Variants in C12orf76 observed in about 807,000 individuals in gnomAD.
C12orf76 encodes uncharacterized protein C12orf76.
In C12orf76, 6 loss-of-function variants were observed where a neutral mutation model predicts 6.8. That is an observed-to-expected ratio of 0.88 (90% CI 0.48 to 1.73). C12orf76 has a LOEUF of 1.73. Among genes scored for constraint, C12orf76 ranks in the 40% most tolerant of loss-of-function variants. C12orf76 has a pLI of 0.01. For synonymous variants in C12orf76, 56 were observed against 43.7 expected, an observed-to-expected ratio of 1.28 and a Z score of -1.11; for missense variants, 99 against 98.2, an observed-to-expected ratio of 1.01 and a Z score of -0.03.
At chr12:110,068,090 G>GCTACT (rs1472976103), upstream of C12orf76, among the ~76,000 whole-genome samples, 1 of 151,902 alleles carries the variant, frequency 6.6e-6, no homozygotes, top group Admixed American at 6.6e-5. Context: ...GGGCATGCCA[G>GCTACT]CTACTCAGGA....
rs1435422512 is a variant in C12orf76, at chr12:110,055,399, G to GT, written n.664+1789dup. Among the ~76,000 whole-genome samples, 4 of 152,004 alleles carry GT rather than the reference G, an allele frequency of 2.6e-5. No individual in the cohort carries two copies. In the East Asian group the frequency reaches 7.7e-4, roughly 29 times the overall value. Reference sequence around the variant, plus strand: ...ATTTTGTATTTTTAGTAGAGACAGGGTTTCACCATGTTGGCCAAGCTGGTC... The same window carrying GT: ...ATTTTGTATTTTTAGTAGAGACAGGGTTTTCACCATGTTGGCCAAGCTGGTC... On this transcript the variant is annotated intron_variant and non_coding_transcript_variant, in intron 4 of 4. Coordinates refer to the C12orf76 transcript ENST00000309050.
chr12:110,064,631 C>T (rs954436358), intron 2 of C12orf76, among the ~76,000 whole-genome samples: 1 of 152,168 alleles, frequency 6.6e-6, no homozygotes, highest in South Asian at 2.1e-4. Flanking sequence ...TTTGGGGGGA[C>T]AGCTCTCCAT....
In C12orf76 at chr12:110,048,467, T is replaced by C. The variant is rs7137233; in HGVS notation, c.29A>G (p.Tyr10Cys). The C allele has an allele frequency of 0.18, 266,887 of 1,479,846 alleles. 32,046 individuals carry two copies. Among genetic ancestry groups the C allele is most frequent in the African/African-American group, 0.63 (43,358 of 69,296 alleles). The allele number at this position is 1,479,846 out of a possible 1,614,324, so 91.7% of individuals were successfully genotyped here. Residue 10 changes from tyrosine (Y) to cysteine (C), a missense_variant, in exon 1 of 2, where the codon TAC becomes TGC. By Grantham distance (194) the Tyr-to-Cys change is radical. Coordinates refer to ENST00000615315, the MANE Select transcript of C12orf76 (RefSeq NM_001389625.1). MLRPALPWL[Y>C]LGLCSLLVGE... The stretch of plus-strand genomic sequence containing the variant: ...CACCAGGAGGCTGCAGAGGCCAAGG[T>C]ACAGCCACGGTAACGCTGGACGCAG...
At chr12:110,052,706 A>G (rs1246727780), upstream of C12orf76, among the ~76,000 whole-genome samples, 4 of 152,204 alleles carry the variant, frequency 2.6e-5, no homozygotes, top group Non-Finnish European at 5.9e-5. Flanking sequence ...GCTGAATAAT[A>G]TTAGCAAGTC....
upstream of C12orf76, among the ~76,000 whole-genome samples, chr12:110,068,270 AG>A (rs148734206): frequency 8.5e-4 from 107 of 126,000 alleles, no homozygotes; most frequent in African/African-American, 3.1e-3. Flanking sequence ...AAGAAGAAGA[AG>A]AAGAAGAAGA....
chr12:110,072,294 T>C (rs1593253491), upstream of C12orf76, among the ~76,000 whole-genome samples: 1 of 149,960 alleles, frequency 6.7e-6, no homozygotes, highest in Non-Finnish European at 1.5e-5. Context: ...AGTATCAACA[T>C]GTTACAACAG....
chr12:110,051,904 C>CTTTT (rs567991255), upstream of C12orf76, among the ~76,000 whole-genome samples: 36 of 100,682 alleles, frequency 3.6e-4, no homozygotes, highest in Non-Finnish European at 4.5e-4. Context: ...GGCAGCTACT[C>CTTTT]TTTTTTTTTT....
rs767976971 is a variant in C12orf76, at chr12:110,048,385, C to A, written c.111G>T (p.Ala37=). 1.3e-6 allele frequency: 2 copies of A among 1,515,220 alleles called. No homozygotes were observed. Among genetic ancestry groups the A allele is most frequent in the Non-Finnish European group, 1.8e-6 (2 of 1,136,996 alleles). 93.9% of individuals were successfully genotyped at this position (1,515,220 alleles called of 1,614,324 possible). A position where few individuals can be genotyped will look rare whatever the true frequency, so the allele number is the denominator to read the frequency against. ...VDPLERSRPY[A]VLRGQNLVLM... ...CACCCAGGTTCTGCCCTCGCAGCACCGCGTACGGCCGGCTCCGCTCCAGCG... is the reference window on the plus strand; with the variant it reads ...CACCCAGGTTCTGCCCTCGCAGCACAGCGTACGGCCGGCTCCGCTCCAGCG... Residue 37 remains alanine (A), a synonymous_variant, in exon 1 of 2, where the codon GCG becomes GCT. Transcript: ENST00000615315.
upstream of C12orf76, among the ~76,000 whole-genome samples, chr12:110,071,867 T>G (rs1454458580): frequency 6.6e-6 from 1 of 152,094 alleles, no homozygotes; most frequent in Non-Finnish European, 1.5e-5. Flanking sequence ...GGTGGGAATG[T>G]AAAAGGGTGC....
At chr12:110,065,828 C>T (rs1892849236) in intron 2 of C12orf76, 1 of 1,613,950 alleles carries the variant, frequency 6.2e-7, no homozygotes, top group African/African-American at 1.3e-5. Context: ...CCCTGTCCTG[C>T]CCCCTGGTCT....
At chr12:110,054,054 G>A (rs781722080), upstream of C12orf76, among the ~76,000 whole-genome samples, 5 of 151,734 alleles carry the variant, frequency 3.3e-5, no homozygotes, top group South Asian at 2.1e-4. This position sits in a 1 kb window ranked among gnomAD's most constrained non-coding sequence, Gnocchi z 4.4. Flanking sequence ...CAGCCTGGGC[G>A]ACAGAGCAAG....
chr12:110,066,140 G>A (rs1892855029), intron 1 of C12orf76: 1 of 1,337,566 alleles, frequency 7.5e-7, no homozygotes, highest in Non-Finnish European at 9.6e-7. Flanking sequence ...GGGAGGCCGA[G>A]GCAGGCGGAT....
intron 3 of C12orf76, among the ~76,000 whole-genome samples, chr12:110,058,065 CAAA>C (rs59838926): frequency 7.2e-4 from 38 of 52,658 alleles, no homozygotes; most frequent in Admixed American, 1.1e-3. Flanking sequence ...GACTCGGTCT[CAAA>C]AAAAAAAAAA....
At chr12:110,072,441 G>A (rs1038929336), upstream of C12orf76, among the ~76,000 whole-genome samples, 4 of 152,000 alleles carry the variant, frequency 2.6e-5, no homozygotes, top group Non-Finnish European at 4.4e-5. Context: ...ATTCATGGGT[G>A]GGAAGGAGGG....
intron 1 of C12orf76, among the ~76,000 whole-genome samples, chr12:110,067,274 G>A (rs1445947042): frequency 1.3e-5 from 2 of 152,174 alleles, no homozygotes; most frequent in Admixed American, 6.5e-5. Context: ...AAGGTGAGCT[G>A]GCAGCCTCTG....
At chr12:110,044,897 C>T (rs974344653) in intron 1 of C12orf76, among the ~76,000 whole-genome samples, 1 of 151,758 alleles carries the variant, frequency 6.6e-6, no homozygotes, top group Non-Finnish European at 1.5e-5. Flanking sequence ...TTCTTGAACC[C>T]GGGAGGCGGA....
intron 1 of C12orf76, among the ~76,000 whole-genome samples, chr12:110,048,062 G>C (rs546758746): frequency 3.1e-4 from 47 of 152,348 alleles, no homozygotes; most frequent in Non-Finnish European, 5.9e-4. Flanking sequence ...TTAGCCAAGT[G>C]TGGTGGTGTG....
chr12:110,047,774 G>A (rs1438803474), intron 1 of C12orf76, among the ~76,000 whole-genome samples: 3 of 152,232 alleles, frequency 2.0e-5, no homozygotes, highest in East Asian at 3.8e-4. Context: ...CGTAGCACAA[G>A]ACATGGGATG....
At chr12:110,042,544 C>A in intron 1 of C12orf76, 85 bp from the exon 2 acceptor site, 1 of 839,666 alleles carries the variant, frequency 1.2e-6, no homozygotes, top group Non-Finnish European at 2.1e-6. Context: ...TATCAAATGC[C>A]ACTTGCTGCC....
Sources: gnomAD v4.1 joint callset for allele counts (sites outside exome capture counted in the v4.1 genomes callset) on GRCh38, gnomAD v4.1.1 for gene constraint, Gnocchi (gnomAD v3.1) non-coding constraint, MANE v1.5 for transcripts, NCBI Gene and HGNC (gene_info 2026-07-23, HGNC 2026-07-21) for gene names.